SIPA1L3: variants seen among roughly 807,000 people sequenced by gnomAD.
SIPA1L3 encodes the protein signal induced proliferation associated 1 like 3, also known as signal-induced proliferation-associated 1-like protein 3.
SIPA1L3 carries 59 observed loss-of-function variants against 150.1 expected under a neutral mutation model. The observed-to-expected ratio is 0.39, with a 90% CI of 0.32 to 0.49. The LOEUF is 0.49. Ranked by LOEUF, SIPA1L3 falls within the 20% of genes least tolerant of loss-of-function variation. The pLI is 0.86. For missense variants in SIPA1L3, 2,211 were observed against 2,489.5 expected, an observed-to-expected ratio of 0.89 and a Z score of 2.38; for synonymous variants, 1,070 against 1,077.6, an observed-to-expected ratio of 0.99 and a Z score of 0.14.
At chr19:38,121,918 C>CAA (rs908331845) in intron 9 of SIPA1L3, among the ~76,000 whole-genome samples, 22 of 140,164 alleles carry the variant, frequency 1.6e-4, no homozygotes, top group Middle Eastern at 3.6e-3. Flanking sequence ...GACCCGGACT[C>CAA]AAAAAAAAAA....
In SIPA1L3 at chr19:38,201,957, G is replaced by A; in HGVS notation, c.5080G>A (p.Glu1694Lys). ...HSPVHSHLSL[E>K]RGPPTPRTTP... is the part of the protein sequence containing the mutation. ...TCCTGTCCACAGCCACCTGAGCCTG[G>A]AGAGGGGACCCCCGACCCCCAGGAC... The change falls in exon 20 of 22, where the codon GAG (glutamate) becomes AAG (lysine). Residue 1694 changes from glutamate to lysine, a missense_variant. By Grantham distance (56) the Glu-to-Lys change is moderately conservative. Around this residue, in one of 5 missense-constraint regions of SIPA1L3, gnomAD observed 806 missense variants for 870.1 expected, o/e 0.93. Coordinates refer to ENST00000222345, the MANE Select transcript of SIPA1L3 (RefSeq NM_015073.3). The A allele has an allele frequency of 1.2e-6, 2 of 1,613,784 alleles. No homozygotes were observed. Among genetic ancestry groups the A allele is most frequent in the South Asian group, 1.1e-5 (1 of 91,030 alleles).
chr19:38,130,919 C>T (rs778587527), intron 10 of SIPA1L3, 147 bp downstream of exon 10: 27 of 822,116 alleles, frequency 3.3e-5, no homozygotes, highest in East Asian at 8.1e-5. Flanking sequence ...AGTGACAGGA[C>T]GGGGAGGGCA....
intron 7 of SIPA1L3, 53 bp downstream of exon 7, chr19:38,106,693 C>T: frequency 8.3e-7 from 1 of 1,201,390 alleles, no homozygotes; most frequent in Non-Finnish European, 1.2e-6. Flanking sequence ...GCCCACCCAC[C>T]AGCATTGGCC....
rs1461911426 is a variant in SIPA1L3 at position 38,047,343 on chromosome 19, G to A, written c.-311+18187G>A. 3.3e-5 allele frequency among the ~76,000 whole-genome samples: 5 copies of A among 152,062 alleles called. No homozygotes were observed. The highest frequency in any genetic ancestry group is 7.3e-5 in the Non-Finnish European group (5 of 68,030). Reference sequence around the variant, plus strand: ...TATCACAGTGGATTTGTGGGCTTGTGTATTGCCTGTCTACACCCTATAGTA... The same window carrying A: ...TATCACAGTGGATTTGTGGGCTTGTATATTGCCTGTCTACACCCTATAGTA... On this transcript the variant is annotated intron_variant, in intron 2 of 21. Transcript: ENST00000222345. This position sits in a 1 kb window ranked among gnomAD's most constrained non-coding sequence, Gnocchi z 4.7.
Position 38,051,160 on chromosome 19 carries a change from C to T in SIPA1L3, c.-311+22004C>T, listed in dbSNP as rs543504893. Among the ~76,000 whole-genome samples the T allele has an allele frequency of 1.6e-3, 239 of 152,318 alleles. 1 individual carries two copies. The highest frequency in any genetic ancestry group is 5.5e-3 in the African/African-American group (230 of 41,574). ...ATATCACTACATTTACCAGAGTTTT[C>T]TCCTCTGGGTAGCACATAGGTTTTA... is the stretch of plus-strand genomic sequence containing the variant. On this transcript the variant is annotated intron_variant, in intron 2 of 21. Transcript: ENST00000222345.
intron 15 of SIPA1L3, among the ~76,000 whole-genome samples, chr19:38,177,399 G>A (rs1033386565): frequency 2.6e-5 from 4 of 151,522 alleles, no homozygotes; most frequent in Non-Finnish European, 4.4e-5. Context: ...TTTGCCAGGC[G>A]CAGTGACTCA....
At chr19:37,958,275 A>G (rs745357188) in intron 1 of SIPA1L3, among the ~76,000 whole-genome samples, 1 of 152,096 alleles carries the variant, frequency 6.6e-6, no homozygotes, top group African/African-American at 2.4e-5. Flanking sequence ...TCTATAAAAA[A>G]TTAGCTGGGC....
chr19:38,193,911 G>T, intron 18 of SIPA1L3, 131 bp downstream of exon 18: 1 of 1,068,354 alleles, frequency 9.4e-7, no homozygotes, highest in Admixed American at 3.7e-5. Flanking sequence ...AGGGAGGAAT[G>T]GGGTTCACAG....
At chr19:38,112,696 T>A (rs908836574) in intron 8 of SIPA1L3, among the ~76,000 whole-genome samples, 13 of 152,270 alleles carry the variant, frequency 8.5e-5, no homozygotes, top group Non-Finnish European at 1.8e-4. Context: ...CTTTCCTTCA[T>A]TTTTAAAGAA....
intron 15 of SIPA1L3, among the ~76,000 whole-genome samples, chr19:38,173,400 C>T (rs1266273311): frequency 2.6e-5 from 4 of 152,386 alleles, no homozygotes; most frequent in East Asian, 1.9e-4. Flanking sequence ...TGCTGCCAGG[C>T]GCCAGTGCCT....
chr19:38,082,512 G>A lies in SIPA1L3; in HGVS notation c.947G>A (p.Arg316His), dbSNP rs767672961. Reference sequence around the variant, plus strand: ...AGCAAACCCGAGGGGGAGGCTGGGCGTTCCCCGGGGGAGGCCGACGAGGGC... The same window carrying A: ...AGCAAACCCGAGGGGGAGGCTGGGCATTCCCCGGGGGAGGCCGACGAGGGC... ...RSSKPEGEAGRSPGEADEGRS... is the reference protein window; with the variant it reads ...RSSKPEGEAGHSPGEADEGRS... Residue 316 changes from arginine (R) to histidine (H), a missense_variant, in exon 3 of 22, where the codon CGT (arginine) becomes CAT (histidine). This residue lies in a region of SIPA1L3 where 587 missense variants were observed against 534.5 expected (regional missense o/e 1.10). Transcript: ENST00000222345. 1.3e-6 allele frequency: 2 copies of A among 1,595,992 alleles called. No homozygotes were observed. Among genetic ancestry groups the A allele is most frequent in the Admixed American group, 1.7e-5 (1 of 59,246 alleles).
At chr19:38,030,983 G>A (rs779543452) in intron 2 of SIPA1L3, among the ~76,000 whole-genome samples, 2 of 152,102 alleles carry the variant, frequency 1.3e-5, no homozygotes, top group Non-Finnish European at 2.9e-5. Context: ...GCTGTGGATG[G>A]AGTTTCTCTC....
chr19:38,104,135 C>T (rs1158055640), intron 6 of SIPA1L3, among the ~76,000 whole-genome samples: 1 of 152,078 alleles, frequency 6.6e-6, no homozygotes, highest in Non-Finnish European at 1.5e-5. Flanking sequence ...CTCGCCAAGA[C>T]TCGGTTTGCT....
At chr19:37,913,853 A>G (rs911019488) in intron 1 of SIPA1L3, among the ~76,000 whole-genome samples, 2 of 151,558 alleles carry the variant, frequency 1.3e-5, no homozygotes, top group Non-Finnish European at 2.9e-5. Flanking sequence ...CGTCTCTACT[A>G]AAAATACAAA....
At chr19:37,944,306 C>T (rs1459673733) in intron 1 of SIPA1L3, among the ~76,000 whole-genome samples, 1 of 151,554 alleles carries the variant, frequency 6.6e-6, no homozygotes, top group Non-Finnish European at 1.5e-5. Flanking sequence ...TGAAGATCTG[C>T]TTCATTGTCT....
rs1397981292 is a variant in SIPA1L3, at chr19:38,124,679, G to A, written c.2868+4797G>A. Among the ~76,000 whole-genome samples the A allele has an allele frequency of 2.0e-5, 3 of 152,184 alleles. No individual in the cohort carries two copies. In the East Asian group the frequency reaches 5.8e-4, roughly 29 times the overall value. On this transcript the variant is annotated intron_variant, in intron 9 of 21. Transcript: ENST00000222345. ...TGGGAGGTGGAGGTTGTAGCAAGCC[G>A]AGATCACGCCACTGCACTCCAGCCT...
Position 38,101,242 on chromosome 19 carries a change from G to A in SIPA1L3, c.2029+16G>A. The A allele has an allele frequency of 1.3e-6, 2 of 1,505,974 alleles. No individual in the cohort carries two copies. The highest frequency in any genetic ancestry group is 1.8e-6 in the Non-Finnish European group (2 of 1,119,482). 93.3% of individuals were successfully genotyped at this position (1,505,974 alleles called of 1,614,324 possible). ...GACGTCAAGAGTAAGTAGGGGGCCG[G>A]TTAGATCACAGTGAGCCACCACTGC... On this transcript the variant is annotated intron_variant, in intron 6 of 21. Coordinates refer to ENST00000222345, the MANE Select transcript of SIPA1L3 (RefSeq NM_015073.3).
chr19:38,074,982 C>T (rs1032286731), intron 2 of SIPA1L3, among the ~76,000 whole-genome samples: 12 of 152,234 alleles, frequency 7.9e-5, no homozygotes, highest in African/African-American at 1.2e-4. Context: ...AGTCCTCCCT[C>T]CTCAGCCTCC....
intron 15 of SIPA1L3, among the ~76,000 whole-genome samples, chr19:38,166,312 C>T (rs528458622): frequency 7.9e-5 from 12 of 151,740 alleles, no homozygotes; most frequent in Non-Finnish European, 1.6e-4. Flanking sequence ...AAAAAATTAG[C>T]CAGGCATGGT....
Sources: allele counts gnomAD v4.1 joint callset (sites outside exome capture counted in the v4.1 genomes callset), GRCh38; gene constraint gnomAD v4.1.1; regional missense constraint gnomAD v4.1.1; non-coding constraint Gnocchi (gnomAD v3.1); transcripts MANE v1.5; gene names NCBI Gene and HGNC (gene_info 2026-07-23, HGNC 2026-07-21).